The following EPHB1 variants were observed in gnomAD, a reference collection of about 807,000 sequenced individuals.
EPHB1 encodes the protein ephrin type-B receptor 1.
EPHB1 carries 30 observed loss-of-function variants against 94.4 expected under a neutral mutation model. That is an observed-to-expected ratio of 0.32 (90% CI 0.24 to 0.43). The LOEUF (loss-of-function observed/expected upper bound fraction) is 0.43, where lower values mean the gene tolerates loss of function less well. EPHB1 is among the 20% of genes least tolerant of loss of function. The probability of loss-of-function intolerance (pLI) is 1.00; values close to 1 mark genes in which losing one functional copy is unlikely to be tolerated. For synonymous variants in EPHB1, 522 were observed against 489.1 expected (o/e 1.07, Z -0.89); for missense variants, 1,055 against 1,308.3 (o/e 0.81, Z 2.99).
At chr3:135,081,082 G>A (rs1392100974) in intron 3 of EPHB1, among the ~76,000 whole-genome samples, 1 of 152,132 alleles carries the variant, frequency 6.6e-6, no homozygotes, top group Non-Finnish European at 1.5e-5. Flanking sequence ...AGAGACACGA[G>A]GAGAATCAGG....
Position 134,925,877 on chromosome 3 carries a change from C to T in EPHB1, c.120C>T (p.Ser40=), listed in dbSNP as rs368378750. 609 of 1,601,878 alleles carry T rather than the reference C, an allele frequency of 3.8e-4. 1 individual carries two copies. Among genetic ancestry groups the T allele is most frequent in the Non-Finnish European group, 4.7e-4 (557 of 1,173,846 alleles). The change falls in exon 2 of 16, where the codon TCC becomes TCT. Residue 40 remains serine, a synonymous_variant. Transcript: ENST00000398015. ...AELGWTANPA[S]GWEEVSGYDE... ...TGGGCTGGACGGCCAATCCTGCGTCCGGGGTGAGTATCAAACCATTCGTCT... is the reference window on the plus strand; with the variant it reads ...TGGGCTGGACGGCCAATCCTGCGTCTGGGGTGAGTATCAAACCATTCGTCT...
At chr3:134,865,675 A>C (rs2037360202) in intron 1 of EPHB1, among the ~76,000 whole-genome samples, 1 of 151,980 alleles carries the variant, frequency 6.6e-6, no homozygotes, top group Non-Finnish European at 1.5e-5. Flanking sequence ...AAAAGAAAGA[A>C]AGAAAGGGGC....
intron 3 of EPHB1, among the ~76,000 whole-genome samples, chr3:135,086,646 T>G (rs1405868667): frequency 6.6e-6 from 1 of 151,976 alleles, no homozygotes; most frequent in Non-Finnish European, 1.5e-5. Flanking sequence ...TCAGTTGTCA[T>G]CTCCACCAGG....
rs1368072801 is a variant in EPHB1 at position 134,951,363 on chromosome 3, A to G, written c.124-8A>G. 2.6e-6 allele frequency: 4 copies of G among 1,550,676 alleles called. No individual in the cohort carries two copies. The highest frequency in any genetic ancestry group is 1.2e-5 in the South Asian group (1 of 80,298). On this transcript the variant is annotated splice_polypyrimidine_tract_variant and splice_region_variant and intron_variant, in intron 2 of 15. Transcript: ENST00000398015. The surrounding 1 kb of genome is among the most constrained non-coding windows in gnomAD (Gnocchi z 4.5). The stretch of plus-strand genomic sequence containing the variant: ...TGCATGTGTGTGCCTGTGGCCTGCT[A>G]TGTACAGTGGGAAGAAGTCAGTGGC...
intron 15 of EPHB1, among the ~76,000 whole-genome samples, chr3:135,251,254 C>CACTT (rs1253959059): frequency 6.6e-6 from 1 of 152,082 alleles, no homozygotes; most frequent in Non-Finnish European, 1.5e-5. Flanking sequence ...AGAAAAGAAG[C>CACTT]ACTTACCAGT....
At chr3:134,831,960 T>C (rs1208265882) in intron 1 of EPHB1, among the ~76,000 whole-genome samples, 9 of 152,230 alleles carry the variant, frequency 5.9e-5, no homozygotes, top group Non-Finnish European at 1.3e-4. Flanking sequence ...TGTCCAATTG[T>C]GCCAACGTCT....
rs1933556119 is a variant in EPHB1, at chr3:135,259,520, T to C, written c.*400T>C. Reference sequence around the variant, plus strand: ...TCCATTTTCTTCCTCACCAATGACATTCTTTTCTTTTCTCCTTTCGTACTC... The same window carrying C: ...TCCATTTTCTTCCTCACCAATGACACTCTTTTCTTTTCTCCTTTCGTACTC... On this transcript the variant is annotated 3_prime_UTR_variant, in exon 16 of 16. Coordinates refer to ENST00000398015, the MANE Select transcript of EPHB1 (RefSeq NM_004441.5). 4.8e-6 allele frequency: 1 copy of C among 207,576 alleles called. No individual in the cohort carries two copies. Among genetic ancestry groups the C allele is most frequent in the African/African-American group, 2.3e-5 (1 of 43,768 alleles). The allele number at this position is 207,576 out of a possible 1,614,324, so 12.9% of individuals were successfully genotyped here.
chr3:134,914,088 A>G (rs1168463498), intron 1 of EPHB1, among the ~76,000 whole-genome samples: 1 of 152,164 alleles, frequency 6.6e-6, no homozygotes, highest in Non-Finnish European at 1.5e-5. Flanking sequence ...GGGTTTCTCA[A>G]TGAACTGAAG....
chr3:135,080,287 G>T (rs1938118340), intron 3 of EPHB1, among the ~76,000 whole-genome samples: 1 of 152,212 alleles, frequency 6.6e-6, no homozygotes, highest in South Asian at 2.1e-4. Flanking sequence ...GAGGTAGAGT[G>T]TGCCCAAGGG....
chr3:135,172,542 C>T (rs1243774567), intron 9 of EPHB1, among the ~76,000 whole-genome samples: 1 of 152,200 alleles, frequency 6.6e-6, no homozygotes, highest in Non-Finnish European at 1.5e-5. Context: ...ATTCCACACC[C>T]AGTTTCTGGA....
intron 3 of EPHB1, among the ~76,000 whole-genome samples, chr3:135,046,194 G>T (rs1010591306): frequency 6.6e-6 from 1 of 152,160 alleles, no homozygotes; most frequent in Non-Finnish European, 1.5e-5. Context: ...TATTATTGGA[G>T]TCTGATAATT....
chr3:135,095,878 C>A (rs1396119148), intron 3 of EPHB1, among the ~76,000 whole-genome samples: 1 of 152,230 alleles, frequency 6.6e-6, no homozygotes, highest in African/African-American at 2.4e-5. Flanking sequence ...TATGCCTTCA[C>A]TTAGATGTCG....
chr3:134,971,545 C>G (rs1449994017), intron 3 of EPHB1, among the ~76,000 whole-genome samples: 1 of 152,160 alleles, frequency 6.6e-6, no homozygotes, highest in African/African-American at 2.4e-5. Context: ...ATTTGTAGTG[C>G]AGGGAGCACT....
At chr3:135,005,062 G>C (rs1032554309) in intron 3 of EPHB1, among the ~76,000 whole-genome samples, 13 of 152,178 alleles carry the variant, frequency 8.5e-5, no homozygotes, top group African/African-American at 3.1e-4. Context: ...CATTTTTTCT[G>C]TTCTGTTTTT....
intron 1 of EPHB1, among the ~76,000 whole-genome samples, chr3:134,909,462 C>A (rs551593968): frequency 1.3e-5 from 2 of 152,326 alleles, no homozygotes; most frequent in East Asian, 3.9e-4. Flanking sequence ...GCCTCCGAAG[C>A]TTTTCAAGCC....
chr3:135,039,669 C>G (rs143766817), intron 3 of EPHB1, among the ~76,000 whole-genome samples: 3 of 152,208 alleles, frequency 2.0e-5, no homozygotes, highest in African/African-American at 4.8e-5. Context: ...GCCACTGGCC[C>G]GGCTGCTAAG....
chr3:135,181,583 G>C (rs969063587), intron 10 of EPHB1, among the ~76,000 whole-genome samples: 1 of 152,146 alleles, frequency 6.6e-6, no homozygotes, highest in Non-Finnish European at 1.5e-5. Flanking sequence ...TTGTGGTAAT[G>C]GTGCTAGTGA....
At chr3:134,862,021 C>A (rs1490593839) in intron 1 of EPHB1, among the ~76,000 whole-genome samples, 1 of 152,142 alleles carries the variant, frequency 6.6e-6, no homozygotes, top group Non-Finnish European at 1.5e-5. Flanking sequence ...CCCATGAAGG[C>A]CTTAGGGTGG....
At chr3:135,075,438 C>A (rs1365511889) in intron 3 of EPHB1, among the ~76,000 whole-genome samples, 1 of 152,174 alleles carries the variant, frequency 6.6e-6, no homozygotes, top group Non-Finnish European at 1.5e-5. Flanking sequence ...CCCCATTTCC[C>A]CGTCTGTTTC....
Sources: gnomAD v4.1 joint callset for allele counts (sites outside exome capture counted in the v4.1 genomes callset) on GRCh38, gnomAD v4.1.1 for gene constraint, Gnocchi (gnomAD v3.1) non-coding constraint, MANE v1.5 for transcripts, NCBI Gene and HGNC (gene_info 2026-07-23, HGNC 2026-07-21) for gene names.